ATP7B: variants seen among roughly 807,000 people sequenced by gnomAD.
ATP7B encodes the protein ATPase copper transporting beta.
In ATP7B, 113 loss-of-function variants were observed where a neutral mutation model predicts 118.9. The observed-to-expected ratio is 0.95, with a 90% CI of 0.82 to 1.11. The LOEUF (loss-of-function observed/expected upper bound fraction) is 1.11, where lower values mean the gene tolerates loss of function less well. Among genes scored for constraint, ATP7B ranks in the 50% most tolerant of loss-of-function variants. The pLI is 0.00. For synonymous variants in ATP7B, 777 were observed against 727.4 expected (o/e 1.07, Z -1.10); for missense variants, 1,867 against 1,871.4 (o/e 1.00, Z 0.04).
rs558037268 is a variant in ATP7B at position 51,974,694 on chromosome 13, C to CT, written c.525dup (p.Val176SerfsTer28). 3.1e-6 allele frequency: 5 copies of CT among 1,612,028 alleles called. No individual in the cohort carries two copies. The East Asian group carries it at 6.7e-5, about 22-fold the overall frequency. On this transcript the variant is annotated frameshift_variant, in exon 2 of 21. Transcript: ENST00000242839. LOFTEE classifies it high-confidence loss of function. ...ACGGCCTCTTGGTTGCTGAGTGAGACTTTGACTCTCACTACTCCTTGCAGT... is the reference window on the plus strand; with the variant it reads ...ACGGCCTCTTGGTTGCTGAGTGAGACTTTTGACTCTCACTACTCCTTGCAGT...
At chr13:51,956,794 A>G (rs149373112) in intron 9 of ATP7B, among the ~76,000 whole-genome samples, 113 of 152,348 alleles carry the variant, frequency 7.4e-4, no homozygotes, top group African/African-American at 2.6e-3. Context: ...CCTTAATTAG[A>G]AAAATTTCCA....
chr13:52,011,196 C>G, intron 1 of ATP7B, 91 bp downstream of exon 1: 1 of 1,600,588 alleles, frequency 6.2e-7, no homozygotes, highest in Middle Eastern at 1.7e-4. Context: ...CCCTGCGCAC[C>G]CCCTGGGGGC....
intron 1 of ATP7B, among the ~76,000 whole-genome samples, chr13:51,979,884 C>T (rs533395582): frequency 4.6e-5 from 7 of 152,146 alleles, no homozygotes; most frequent in Non-Finnish European, 1.0e-4. Context: ...ACTCAGAGGC[C>T]CCCCTTTCTA....
Position 51,950,280 on chromosome 13 carries a change from A to G in ATP7B, c.2567T>C (p.Leu856Pro), listed in dbSNP as rs1310198925. Residue 856 changes from leucine (L) to proline (P), a missense_variant, in exon 10 of 21, where the codon CTC (leucine) becomes CCC (proline). Leu to Pro is a moderately conservative substitution (Grantham distance 98). Transcript: ENST00000242839. ...GAAACAAGCCATCTCACCTGTGATG[A>G]GGGACTCATCAGCCATGGTATTGCC... ...LEGNTMADESLITGEAMPVTK... is the reference protein window; with the variant it reads ...LEGNTMADESPITGEAMPVTK... The G allele has an allele frequency of 1.2e-6, 2 of 1,614,194 alleles. No homozygotes were observed. The highest frequency in any genetic ancestry group is 1.7e-6 in the Non-Finnish European group (2 of 1,180,022).
chr13:51,959,618 T>C (rs1388606415), intron 7 of ATP7B: 1 of 164,018 alleles, frequency 6.1e-6, no homozygotes, highest in Non-Finnish European at 1.3e-5. Flanking sequence ...AATATACACA[T>C]AGAGGGCACA....
At chr13:51,995,302 A>G in intron 1 of ATP7B, 1 of 985,326 alleles carries the variant, frequency 1.0e-6, no homozygotes, top group Non-Finnish European at 1.2e-6. Flanking sequence ...GCCCATCTGC[A>G]ATTGCACTGA....
At chr13:51,965,991 C>G (rs1951528150) in intron 4 of ATP7B, among the ~76,000 whole-genome samples, 1 of 151,988 alleles carries the variant, frequency 6.6e-6, no homozygotes, top group South Asian at 2.1e-4. Flanking sequence ...GCCCAAGACC[C>G]AAGGAAAAAA....
At chr13:51,961,369 C>T (rs557613318) in intron 6 of ATP7B, among the ~76,000 whole-genome samples, 6 of 152,036 alleles carry the variant, frequency 3.9e-5, no homozygotes, top group East Asian at 1.9e-4. Flanking sequence ...TCAGGTCTCC[C>T]GCGCCTGGGC....
chr13:52,002,303 T>A (rs1953526316), intron 1 of ATP7B, among the ~76,000 whole-genome samples: 1 of 151,516 alleles, frequency 6.6e-6, no homozygotes. Flanking sequence ...GGCTAACACC[T>A]GTAATCCTAG....
rs747387270 is a variant in ATP7B at position 51,942,559 on chromosome 13, G to A, written c.3244-5C>T. 18 of 1,613,926 alleles carry A rather than the reference G, an allele frequency of 1.1e-5. No homozygotes were observed. Among genetic ancestry groups the A allele is most frequent in the Non-Finnish European group, 1.4e-5 (17 of 1,180,012 alleles). ...CAAGGTCTCTGTTCCAAGTTCCTGG[G>A]AAGGTGGAAAGAGAGGAAGAGGAAA... On this transcript the variant is annotated splice_region_variant and splice_polypyrimidine_tract_variant and intron_variant, in intron 14 of 20. Transcript: ENST00000242839.
chr13:52,009,034 C>T (rs1204703431), intron 1 of ATP7B, among the ~76,000 whole-genome samples: 1 of 152,074 alleles, frequency 6.6e-6, no homozygotes, highest in Non-Finnish European at 1.5e-5. Context: ...ACCATTATGC[C>T]CAGCTAATTT....
At chr13:51,965,158 C>T in intron 4 of ATP7B, 125 bp from the exon 5 acceptor site, 2 of 1,200,028 alleles carry the variant, frequency 1.7e-6, no homozygotes, top group Admixed American at 2.0e-5. Flanking sequence ...CTCTCAAGAC[C>T]CTGGACTCCA....
At chr13:51,999,833 C>G (rs1953404001) in intron 1 of ATP7B, among the ~76,000 whole-genome samples, 1 of 152,200 alleles carries the variant, frequency 6.6e-6, no homozygotes, top group Non-Finnish European at 1.5e-5. Context: ...TCCGCTCACC[C>G]TTCGCTCTCC....
At chr13:51,946,751 C>A (rs181196910) in intron 12 of ATP7B, among the ~76,000 whole-genome samples, 1 of 152,310 alleles carries the variant, frequency 6.6e-6, no homozygotes, top group Admixed American at 6.5e-5. Context: ...AAAGCAGACT[C>A]TGGAGATGGA....
intron 1 of ATP7B, among the ~76,000 whole-genome samples, chr13:51,981,161 G>A (rs934087294): frequency 2.0e-5 from 3 of 152,192 alleles, no homozygotes; most frequent in Non-Finnish European, 4.4e-5. Flanking sequence ...ACGCTGCTGA[G>A]AAATCCGAGA....
At chr13:51,960,652 C>T (rs1958675140) in intron 6 of ATP7B, among the ~76,000 whole-genome samples, 1 of 152,198 alleles carries the variant, frequency 6.6e-6, no homozygotes, top group South Asian at 2.1e-4. Context: ...CTACCATCCT[C>T]GGCCTATGGT....
chr13:51,942,648 TG>T, intron 14 of ATP7B, 94 bp from the exon 15 acceptor site: 1 of 1,503,044 alleles, frequency 6.7e-7, no homozygotes, highest in Non-Finnish European at 9.1e-7. Flanking sequence ...AGGGTGAAGG[TG>T]GCAAGAGAGC....
intron 1 of ATP7B, among the ~76,000 whole-genome samples, chr13:51,986,808 T>C (rs2140310025): frequency 6.6e-6 from 1 of 152,132 alleles, no homozygotes; most frequent in South Asian, 2.1e-4. Context: ...ACAGAACCAA[T>C]GACAAAAACC....
intron 1 of ATP7B, among the ~76,000 whole-genome samples, chr13:51,976,055 GGAT>G (rs1364769704): frequency 3.9e-5 from 6 of 152,190 alleles, no homozygotes; most frequent in Non-Finnish European, 7.3e-5. Context: ...TTTCTACACA[GGAT>G]GATGTAGTCT....
Sources: allele counts gnomAD v4.1 joint callset (sites outside exome capture counted in the v4.1 genomes callset), GRCh38; gene constraint gnomAD v4.1.1; transcripts MANE v1.5; gene names NCBI Gene and HGNC (gene_info 2026-07-23, HGNC 2026-07-21).